ROR1: variants seen among roughly 807,000 people sequenced by gnomAD.
ROR1 encodes the protein inactive tyrosine-protein kinase transmembrane receptor ROR1.
In ROR1, 19 loss-of-function variants were observed where a neutral mutation model predicts 78.8. The observed-to-expected ratio is 0.24, with a 90% CI of 0.17 to 0.35. ROR1 has a LOEUF of 0.35. Among genes scored for constraint, ROR1 ranks in the 10% least tolerant of loss-of-function variants. ROR1 has a pLI of 1.00. For synonymous variants in ROR1, 386 were observed against 433.6 expected (o/e 0.89, Z 1.36); for missense variants, 917 against 1,177.8 (o/e 0.78, Z 3.24).
In ROR1 at chr1:64,178,922, A is replaced by C. The variant is rs55905729; in HGVS notation, c.*67A>C. The C allele has an allele frequency of 5.9e-3, 7,303 of 1,230,544 alleles. 321 individuals carry two copies. In the African/African-American group the frequency reaches 0.098, roughly 17 times the overall value. 76.2% of individuals were successfully genotyped at this position (1,230,544 alleles called of 1,614,324 possible). On this transcript the variant is annotated 3_prime_UTR_variant, in exon 9 of 9. Coordinates refer to ENST00000371079, the MANE Select transcript of ROR1 (RefSeq NM_005012.4). The surrounding 1 kb of genome is among the most constrained non-coding windows in gnomAD (Gnocchi z 4.3). ...ACGGCCGTAGAAAAGATTTATATTCAAATGTTTTTATTAAAGTAAGGTTCT... is the reference window on the plus strand; with the variant it reads ...ACGGCCGTAGAAAAGATTTATATTCCAATGTTTTTATTAAAGTAAGGTTCT...
chr1:64,169,528 G>T (rs1038201355), intron 8 of ROR1, among the ~76,000 whole-genome samples: 1 of 152,062 alleles, frequency 6.6e-6, no homozygotes, highest in East Asian at 1.9e-4. Context: ...CACACCATAT[G>T]GGAATTCAAG....
rs144836526 is a variant in ROR1, at chr1:64,177,689, A to C, written c.1648A>C (p.Met550Leu). Residue 550 changes from methionine to leucine, a missense_variant, in exon 9 of 9, where the codon ATG (methionine) becomes CTG (leucine). Met to Leu is a conservative substitution (Grantham distance 15). Coordinates refer to ENST00000371079, the MANE Select transcript of ROR1 (RefSeq NM_005012.4). The part of the protein sequence containing the change: ...GAVTQEQPVC[M>L]LFEYINQGDL... ...CGTCACTCAGGAACAACCTGTGTGC[A>C]TGCTTTTTGAGTATATTAATCAGGG... The C allele has an allele frequency of 2.5e-6, 4 of 1,614,084 alleles. No homozygotes were observed. Among genetic ancestry groups the C allele is most frequent in the Non-Finnish European group, 3.4e-6 (4 of 1,180,034 alleles).
At chr1:64,066,377 G>T (rs932348249) in intron 4 of ROR1, among the ~76,000 whole-genome samples, 1 of 151,086 alleles carries the variant, frequency 6.6e-6, no homozygotes, top group South Asian at 2.1e-4. Flanking sequence ...GAGTGCAGTG[G>T]CGCCATCTTG....
intron 1 of ROR1, among the ~76,000 whole-genome samples, chr1:63,799,059 A>C (rs982258642): frequency 5.3e-5 from 8 of 151,990 alleles, no homozygotes; most frequent in Non-Finnish European, 1.2e-4. Flanking sequence ...CGTAATCTTA[A>C]ATACTTTTGC....
At chr1:64,075,707 A>G (rs577845923) in intron 4 of ROR1, among the ~76,000 whole-genome samples, 1 of 152,230 alleles carries the variant, frequency 6.6e-6, no homozygotes, top group Non-Finnish European at 1.5e-5. Flanking sequence ...TCCTAAAATC[A>G]CTTTAAGTGT....
chr1:63,978,593 T>C (rs1412318982), intron 1 of ROR1, among the ~76,000 whole-genome samples: 1 of 152,220 alleles, frequency 6.6e-6, no homozygotes, highest in Non-Finnish European at 1.5e-5. Context: ...TATAGCGTTA[T>C]GCTTTGTAAA....
chr1:63,991,829 C>T (rs1309230627), intron 1 of ROR1, among the ~76,000 whole-genome samples: 2 of 152,138 alleles, frequency 1.3e-5, no homozygotes, highest in Admixed American at 6.6e-5. Flanking sequence ...TTGTAGAAGC[C>T]AGTATAACAT....
intron 8 of ROR1, among the ~76,000 whole-genome samples, chr1:64,172,117 T>C (rs950199754): frequency 3.3e-5 from 5 of 152,180 alleles, no homozygotes; most frequent in African/African-American, 1.2e-4. Context: ...TGCTTTCATA[T>C]CTAAAGTTAA....
intron 1 of ROR1, among the ~76,000 whole-genome samples, chr1:63,957,158 T>G (rs961230370): frequency 6.6e-6 from 1 of 152,152 alleles, no homozygotes; most frequent in African/African-American, 2.4e-5. Flanking sequence ...AGCAAACATC[T>G]CCTATCACCA....
At chr1:64,118,104 A>G (rs1184771047) in intron 4 of ROR1, among the ~76,000 whole-genome samples, 1 of 152,094 alleles carries the variant, frequency 6.6e-6, no homozygotes, top group Non-Finnish European at 1.5e-5. Flanking sequence ...CCGGGAGGCT[A>G]AGGTGGGAGG....
intron 4 of ROR1, among the ~76,000 whole-genome samples, chr1:64,109,206 G>A (rs759259515): frequency 2.0e-5 from 3 of 152,116 alleles, no homozygotes; most frequent in Non-Finnish European, 4.4e-5. Flanking sequence ...CAGAGCAGAG[G>A]TAGCCAAATC....
At chr1:63,785,496 A>ATT (rs1557494993) in intron 1 of ROR1, among the ~76,000 whole-genome samples, 1 of 126,424 alleles carries the variant, frequency 7.9e-6, no homozygotes, top group African/African-American at 4.2e-5. Context: ...ATATATATAT[A>ATT]TTTTATTTAT....
At chr1:64,165,242 G>A (rs542117619) in intron 8 of ROR1, among the ~76,000 whole-genome samples, 5 of 152,160 alleles carry the variant, frequency 3.3e-5, no homozygotes, top group Middle Eastern at 6.8e-3. Context: ...CTGCAACCTC[G>A]CCAGAATCTG....
intron 1 of ROR1, among the ~76,000 whole-genome samples, chr1:63,842,985 T>A (rs1313685676): frequency 1.3e-5 from 2 of 151,852 alleles, no homozygotes; most frequent in East Asian, 3.9e-4. Flanking sequence ...TCAAAAGCAG[T>A]TTGGCAAGAC....
chr1:63,927,562 A>G (rs903940970), intron 1 of ROR1, among the ~76,000 whole-genome samples: 4 of 151,960 alleles, frequency 2.6e-5, no homozygotes, highest in Non-Finnish European at 5.9e-5. Context: ...TTTCTTAAAA[A>G]AAAAAAAAAA....
intron 4 of ROR1, among the ~76,000 whole-genome samples, chr1:64,090,043 T>C (rs531245760): frequency 2.6e-4 from 40 of 152,330 alleles, no homozygotes; most frequent in African/African-American, 9.4e-4. Flanking sequence ...TCTTCCACCA[T>C]GATTATGAGA....
chr1:63,894,831 C>T (rs1645427000), intron 1 of ROR1, among the ~76,000 whole-genome samples: 1 of 152,146 alleles, frequency 6.6e-6, no homozygotes, highest in African/African-American at 2.4e-5. Context: ...TTGGAATCTG[C>T]TTGGCCAAAA....
intron 1 of ROR1, among the ~76,000 whole-genome samples, chr1:63,908,364 G>C (rs1316578311): frequency 1.3e-5 from 2 of 152,148 alleles, no homozygotes; most frequent in Non-Finnish European, 2.9e-5. Flanking sequence ...CACAGGCTCA[G>C]ATCTGTGATT....
intron 4 of ROR1, among the ~76,000 whole-genome samples, chr1:64,112,735 C>T (rs1569786662): frequency 6.6e-6 from 1 of 152,150 alleles, no homozygotes; most frequent in Admixed American, 6.6e-5. Context: ...TGCCCTTCCT[C>T]CTTCCCTCAC....
Sources: allele counts gnomAD v4.1 joint callset (sites outside exome capture counted in the v4.1 genomes callset), GRCh38; gene constraint gnomAD v4.1.1; non-coding constraint Gnocchi (gnomAD v3.1); transcripts MANE v1.5; gene names NCBI Gene and HGNC (gene_info 2026-07-23, HGNC 2026-07-21).